FMN1: variants seen among roughly 807,000 people sequenced by gnomAD.
The protein encoded by FMN1 is formin-1.
In FMN1, 110 loss-of-function variants were observed where a neutral mutation model predicts 132.4. The ratio of observed to expected loss-of-function variants is 0.83; its 90% CI spans 0.71 to 0.97. FMN1 has a LOEUF of 0.97. Ranked by LOEUF, FMN1 falls within the 50% of genes least tolerant of loss-of-function variation. FMN1 has a pLI of 0.00. For synonymous variants in FMN1, 722 were observed against 651.7 expected, an observed-to-expected ratio of 1.11 and a Z score of -1.64; for missense variants, 1,792 against 1,705.3, an observed-to-expected ratio of 1.05 and a Z score of -0.90.
chr15:33,121,201 T>A (rs1595518818), intron 4 of FMN1, among the ~76,000 whole-genome samples: 1 of 152,352 alleles, frequency 6.6e-6, no homozygotes, highest in African/African-American at 2.4e-5. Context: ...TTGCCTTTTA[T>A]CAATAGAGCA....
At chr15:33,086,630 T>C (rs1464699961) in intron 5 of FMN1, among the ~76,000 whole-genome samples, 1 of 152,202 alleles carries the variant, frequency 6.6e-6, no homozygotes. Flanking sequence ...ACTTCAGCAC[T>C]TTTACACTGT....
intron 5 of FMN1, among the ~76,000 whole-genome samples, chr15:33,070,610 G>C (rs1356029584): frequency 4.6e-5 from 7 of 152,090 alleles, no homozygotes; most frequent in Non-Finnish European, 1.0e-4. Flanking sequence ...TGGGAAGTGG[G>C]TCAAGTCTTT....
intron 9 of FMN1, among the ~76,000 whole-genome samples, chr15:32,952,291 T>A (rs2061671285): frequency 6.6e-6 from 1 of 152,238 alleles, no homozygotes; most frequent in Non-Finnish European, 1.5e-5. Flanking sequence ...CACATTCTTC[T>A]CCAAGCAACC....
intron 17 of FMN1, among the ~76,000 whole-genome samples, chr15:32,840,024 C>T (rs10519753): frequency 0.73 from 111,023 of 152,040 alleles, 41,351 homozygotes; most frequent in Middle Eastern, 0.81. Context: ...AAGAAACTAG[C>T]GTTGAACAAA....
At chr15:32,938,772 T>C (rs897452430) in intron 9 of FMN1, among the ~76,000 whole-genome samples, 2 of 152,216 alleles carry the variant, frequency 1.3e-5, no homozygotes, top group African/African-American at 4.8e-5. Flanking sequence ...ATTTTAAAAC[T>C]GTTGGCTGAA....
At position 32,766,530 on chromosome 15, in the gene FMN1, A is replaced by ACCCCCCC. The variant is rs55859863; in HGVS notation, c.*7773_*7779dup. 3 of 122,848 alleles carry ACCCCCCC rather than the reference A, an allele frequency of 2.4e-5. No homozygotes were observed. Among genetic ancestry groups the ACCCCCCC allele is most frequent in the Non-Finnish European group, 3.4e-5 (2 of 58,624 alleles). The allele number at this position is 122,848 out of a possible 1,614,324, so 7.6% of individuals were successfully genotyped here. On this transcript the variant is annotated 3_prime_UTR_variant, in exon 21 of 21. Transcript: ENST00000616417. The stretch of plus-strand genomic sequence containing the variant: ...GAAATTGAGAAGGCCTAGAATAAGA[A>ACCCCCCC]CCCCCCCCCCACCCCGCCCAATCTT...
At chr15:32,929,980 AAT>A (rs1567412598) in intron 9 of FMN1, among the ~76,000 whole-genome samples, 4 of 126,178 alleles carry the variant, frequency 3.2e-5, no homozygotes, top group South Asian at 2.4e-4. Context: ...TCTATTTTTA[AAT>A]TTTTTTTTTT....
chr15:32,867,460 T>C (rs753593150), intron 16 of FMN1, among the ~76,000 whole-genome samples: 14 of 152,284 alleles, frequency 9.2e-5, no homozygotes, highest in Non-Finnish European at 1.8e-4. Flanking sequence ...AACCAGGACC[T>C]AGTCAGTGCT....
chr15:32,843,593 C>T (rs1385892525), intron 17 of FMN1, among the ~76,000 whole-genome samples: 1 of 152,184 alleles, frequency 6.6e-6, no homozygotes, highest in Non-Finnish European at 1.5e-5. Context: ...ATATATTATG[C>T]TCCCCTAGAA....
intron 4 of FMN1, among the ~76,000 whole-genome samples, chr15:33,152,000 T>G (rs1964457882): frequency 6.6e-6 from 1 of 152,250 alleles, no homozygotes; most frequent in Admixed American, 6.5e-5. Flanking sequence ...TTGAAGCTCC[T>G]CTTCCCTAGA....
intron 12 of FMN1, among the ~76,000 whole-genome samples, chr15:32,905,301 T>C (rs1331083713): frequency 6.6e-6 from 1 of 152,382 alleles, no homozygotes; most frequent in East Asian, 1.9e-4. Flanking sequence ...AAGGTGTATG[T>C]GCACATAGGC....
intron 5 of FMN1, among the ~76,000 whole-genome samples, chr15:33,084,580 C>T (rs192408640): frequency 6.6e-6 from 1 of 152,200 alleles, no homozygotes; most frequent in African/African-American, 2.4e-5. Flanking sequence ...ATGAAAAACA[C>T]GTACACTTGG....
intron 5 of FMN1, among the ~76,000 whole-genome samples, chr15:33,071,332 C>A (rs192873539): frequency 2.6e-5 from 4 of 152,212 alleles, no homozygotes; most frequent in Non-Finnish European, 5.9e-5. Context: ...AGAAGAGACA[C>A]GGAATCCTCT....
intron 7 of FMN1, among the ~76,000 whole-genome samples, chr15:32,983,442 A>G (rs11638997): frequency 0.15 from 23,296 of 152,266 alleles, 1,769 homozygotes; most frequent in Middle Eastern, 0.25. Context: ...GTATGTTTAC[A>G]TGACTGCACA....
intron 7 of FMN1, among the ~76,000 whole-genome samples, chr15:32,996,713 CATA>C (rs1418659004): frequency 2.6e-5 from 4 of 152,102 alleles, no homozygotes; most frequent in African/African-American, 7.2e-5. Context: ...TCAAAGCACA[CATA>C]ATGTTACGCG....
intron 4 of FMN1, among the ~76,000 whole-genome samples, chr15:33,108,328 C>A (rs1230418728): frequency 6.6e-6 from 1 of 152,074 alleles, no homozygotes; most frequent in Non-Finnish European, 1.5e-5. Flanking sequence ...AGCTAAAGGA[C>A]ATGCTGCAAC....
At chr15:32,942,129 G>C (rs938629744) in intron 9 of FMN1, among the ~76,000 whole-genome samples, 1 of 152,204 alleles carries the variant, frequency 6.6e-6, no homozygotes, top group African/African-American at 2.4e-5. Context: ...TCACACGTGC[G>C]TACTATTACA....
chr15:33,066,806 C>G (rs1566884259), intron 5 of FMN1: 1 of 1,613,826 alleles, frequency 6.2e-7, no homozygotes, highest in Non-Finnish European at 8.5e-7. Context: ...AGGGTCTGCT[C>G]CCTTCGGTTC....
At chr15:33,054,366 T>C (rs771459463) in intron 6 of FMN1, among the ~76,000 whole-genome samples, 1 of 152,102 alleles carries the variant, frequency 6.6e-6, no homozygotes, top group Non-Finnish European at 1.5e-5. Context: ...AAAGGTTAGA[T>C]TTTTTTCATC....
Sources: gnomAD v4.1 joint callset for allele counts (sites outside exome capture counted in the v4.1 genomes callset) on GRCh38, gnomAD v4.1.1 for gene constraint, MANE v1.5 for transcripts, NCBI Gene and HGNC (gene_info 2026-07-23, HGNC 2026-07-21) for gene names.